The following BNC1 variants were observed in gnomAD, a reference collection of about 807,000 sequenced individuals.
BNC1 encodes basonuclin zinc finger protein 1.
Under a neutral mutation model 66.5 loss-of-function variants are expected in BNC1, and 8 were observed. That is an observed-to-expected ratio of 0.12 (90% CI 0.07 to 0.22). The LOEUF is 0.22. Ranked by LOEUF, BNC1 falls within the 10% of genes least tolerant of loss-of-function variation. The pLI is 1.00. For missense variants in BNC1, 1,069 were observed against 1,241.3 expected (o/e 0.86, Z 2.09); for synonymous variants, 454 against 452.6 (o/e 1.00, Z -0.04).
chr15:83,280,133 A>G (rs2038363767), intron 1 of BNC1, among the ~76,000 whole-genome samples: 1 of 152,216 alleles, frequency 6.6e-6, no homozygotes, highest in African/African-American at 2.4e-5. Flanking sequence ...AAAACTGAAA[A>G]TCTATGAAAT....
chr15:83,272,855 G>A (rs1439952984), intron 1 of BNC1, among the ~76,000 whole-genome samples: 2 of 152,252 alleles, frequency 1.3e-5, no homozygotes, highest in East Asian at 3.9e-4. Flanking sequence ...GCTTTGTAGT[G>A]GGGGGCTGTT....
intron 1 of BNC1, among the ~76,000 whole-genome samples, chr15:83,272,018 A>T (rs1341087908): frequency 6.6e-6 from 1 of 152,260 alleles, no homozygotes. Context: ...AACGTTGTCC[A>T]GCATCTCAAA....
At chr15:83,265,637 C>T (rs561762442) in intron 3 of BNC1, among the ~76,000 whole-genome samples, 3 of 152,106 alleles carry the variant, frequency 2.0e-5, no homozygotes, top group Non-Finnish European at 2.9e-5. Context: ...TCTACATAAA[C>T]GGTTGTTTCT....
intron 1 of BNC1, among the ~76,000 whole-genome samples, chr15:83,271,275 C>T (rs953799574): frequency 6.6e-6 from 1 of 152,116 alleles, no homozygotes; most frequent in African/African-American, 2.4e-5. Flanking sequence ...ACCAGTGACC[C>T]TGCTTAAATA....
intron 1 of BNC1, among the ~76,000 whole-genome samples, chr15:83,275,327 C>G (rs746824549): frequency 1.2e-4 from 18 of 152,092 alleles, no homozygotes; most frequent in Non-Finnish European, 1.8e-4. Flanking sequence ...GAAACCCCAT[C>G]TCTACTAAAA....
rs11852287 is a variant in BNC1, at chr15:83,272,982, G to A, written c.100-4750C>T. Among the ~76,000 whole-genome samples, 6 of 151,914 alleles carry A rather than the reference G, an allele frequency of 3.9e-5. No homozygotes were observed. The East Asian group carries it at 1.2e-3, about 29-fold the overall frequency. On this transcript the variant is annotated intron_variant, in intron 1 of 4. Transcript: ENST00000345382. ...TCCAGACACTACCAAATGCCCTTGG[G>A]GGGGGGCCTATACCACTCCCATGGG...
At position 83,257,826 on chromosome 15, in the gene BNC1, C is replaced by T; in HGVS notation, c.2601G>A (p.Glu867=). 1.2e-6 allele frequency: 2 copies of T among 1,614,200 alleles called. No homozygotes were observed. The highest frequency in any genetic ancestry group is 1.7e-6 in the Non-Finnish European group (2 of 1,180,044). Reference sequence around the variant, plus strand: ...AGTCCCAGGAAGAATGGCTGCTACTCTCTGACTTCATGCTCGAGGTAGTGC... The same window carrying T: ...AGTCCCAGGAAGAATGGCTGCTACTTTCTGACTTCATGCTCGAGGTAGTGC... ...DLSTTSSMKS[E]SSSHSSWDSD... is the part of the protein sequence containing the mutation. Residue 867 remains glutamate, a synonymous_variant, in exon 5 of 5, where the codon GAG becomes GAA. Transcript: ENST00000345382.
intron 2 of BNC1, 61 bp from the exon 3 acceptor site, chr15:83,267,132 C>CA (rs941228335): frequency 5.9e-5 from 80 of 1,347,874 alleles, no homozygotes; most frequent in Admixed American, 5.7e-4. Flanking sequence ...AGAAACACTG[C>CA]AAAAAAAAGT....
intron 4 of BNC1, among the ~76,000 whole-genome samples, chr15:83,262,545 C>A (rs1427712249): frequency 2.0e-5 from 3 of 152,032 alleles, no homozygotes; most frequent in Admixed American, 6.5e-5. Flanking sequence ...TTACAAGTAG[C>A]CTCACATCAC....
chr15:83,264,008 T>A lies in BNC1; in HGVS notation c.1243A>T (p.Met415Leu), dbSNP rs753399637. 2 of 1,614,098 alleles carry A rather than the reference T, an allele frequency of 1.2e-6. No individual in the cohort carries two copies. The highest frequency in any genetic ancestry group is 1.7e-6 in the Non-Finnish European group (2 of 1,180,046). ...HSANPNPRLH[M>L]PMNRNNRDKD... ...TCCCGGTTATTTCTGTTCATTGGCA[T>A]GTGCAGCCGAGGGTTGGGGTTGGCG... Residue 415 changes from methionine (M) to leucine (L), a missense_variant, in exon 4 of 5, where the codon ATG (methionine) becomes TTG (leucine). This residue lies in a region of BNC1 where 657 missense variants were observed against 715.8 expected (regional missense o/e 0.92). Transcript: ENST00000345382.
In BNC1 at chr15:83,264,145, T is replaced by C. The variant is rs1328288937; in HGVS notation, c.1106A>G (p.Lys369Arg). ...CTACEKTFYD[K>R]GTLKIHYNAV... is the part of the protein sequence containing the mutation. ...ATTGTAGTGGATTTTGAGGGTGCCT[T>C]TGTCATAGAAGGTCTTCTCACATGC... The change falls in exon 4 of 5, where the codon AAA (lysine) becomes AGA (arginine). Residue 369 changes from lysine (K) to arginine (R), a missense_variant. Coordinates refer to ENST00000345382, the MANE Select transcript of BNC1 (RefSeq NM_001717.4). 1.2e-6 allele frequency: 2 copies of C among 1,614,020 alleles called. No individual in the cohort carries two copies. The highest frequency in any genetic ancestry group is 1.7e-6 in the Non-Finnish European group (2 of 1,180,036).
At chr15:83,261,170 C>G (rs548822582) in intron 4 of BNC1, among the ~76,000 whole-genome samples, 2 of 152,298 alleles carry the variant, frequency 1.3e-5, no homozygotes, top group Admixed American at 6.5e-5. Context: ...GTAGCAACAG[C>G]TTATTCATGA....
At chr15:83,262,523 G>A (rs2038155029) in intron 4 of BNC1, among the ~76,000 whole-genome samples, 1 of 151,498 alleles carries the variant, frequency 6.6e-6, no homozygotes, top group Admixed American at 6.6e-5. Context: ...CACAAAAGGA[G>A]ATTAAAGAAG....
chr15:83,282,220 TCAC>T (rs770403058), intron 1 of BNC1, among the ~76,000 whole-genome samples: 8 of 152,206 alleles, frequency 5.3e-5, no homozygotes, highest in East Asian at 3.8e-4. Flanking sequence ...GGTGAAGATT[TCAC>T]CACCTCTTCT....
chr15:83,257,451 G>GT lies in BNC1; in HGVS notation c.2975dup (p.His992GlnfsTer24), dbSNP rs1432643194. The GT allele has an allele frequency of 6.2e-7, 1 of 1,611,384 alleles. No individual in the cohort carries two copies. Among genetic ancestry groups the GT allele is most frequent in the African/African-American group, 1.3e-5 (1 of 74,814 alleles). ...TTGGTTTGCCATCTTGTTACTGGAG[G>GT]TGACTTGGAGATGAGGCCAGGCTTT... On this transcript the variant is annotated frameshift_variant, in exon 5 of 5. Transcript: ENST00000345382. LOFTEE classifies it high-confidence loss of function.
chr15:83,277,460 C>T (rs1292337089), intron 1 of BNC1, among the ~76,000 whole-genome samples: 1 of 152,046 alleles, frequency 6.6e-6, no homozygotes, highest in Non-Finnish European at 1.5e-5. Flanking sequence ...CAGATGTATG[C>T]CACCACACCC....
rs748223150 is a variant in BNC1, at chr15:83,264,459, A to G, written c.792T>C (p.Tyr264=). The change falls in exon 4 of 5, where the codon TAT becomes TAC. Residue 264 remains tyrosine (Y), a synonymous_variant. Transcript: ENST00000345382. Reference sequence around the variant, plus strand: ...TTTGGTCATGACCCTGCTCCAACATATATTGTTCGGGCAATGACCCTATCA... The same window carrying G: ...TTTGGTCATGACCCTGCTCCAACATGTATTGTTCGGGCAATGACCCTATCA... ...PALIGSLPEQ[Y]MLEQGHDQSQ... 6.2e-7 allele frequency: 1 copy of G among 1,614,074 alleles called. No homozygotes were observed. Among genetic ancestry groups the G allele is most frequent in the Non-Finnish European group, 8.5e-7 (1 of 1,180,012 alleles).
chr15:83,274,550 G>C (rs984146566), intron 1 of BNC1, among the ~76,000 whole-genome samples: 1 of 152,166 alleles, frequency 6.6e-6, no homozygotes, highest in Admixed American at 6.5e-5. Flanking sequence ...TGAGTTCAAT[G>C]GTAGGTAGAT....
intron 2 of BNC1, among the ~76,000 whole-genome samples, chr15:83,267,659 T>C (rs1473671176): frequency 1.3e-5 from 2 of 152,182 alleles, no homozygotes; most frequent in Admixed American, 1.3e-4. Flanking sequence ...TACTGTAGAG[T>C]TGTCAGATTT....
Sources: allele counts gnomAD v4.1 joint callset (sites outside exome capture counted in the v4.1 genomes callset), GRCh38; gene constraint gnomAD v4.1.1; regional missense constraint gnomAD v4.1.1; transcripts MANE v1.5; gene names NCBI Gene and HGNC (gene_info 2026-07-23, HGNC 2026-07-21).